Variants in ANKHD1 observed in about 807,000 individuals in gnomAD.
The protein encoded by ANKHD1 is ankyrin repeat and KH domain-containing protein 1.
ANKHD1 carries 31 observed loss-of-function variants against 230.5 expected under a neutral mutation model. The observed-to-expected ratio is 0.13, with a 90% confidence interval of 0.10 to 0.18. The LOEUF (loss-of-function observed/expected upper bound fraction) is 0.18. ANKHD1 is among the 10% of genes least tolerant of loss of function. The probability of loss-of-function intolerance (pLI) is 1.00; values close to 1 mark genes in which losing one functional copy is unlikely to be tolerated. For missense variants in ANKHD1, 2,256 were observed against 3,071.3 expected (o/e 0.73, Z 6.27); for synonymous variants, 1,074 against 1,117.6 (o/e 0.96, Z 0.78).
At chr5:140,500,871 G>T (rs1403290059) in intron 15 of ANKHD1, among the ~76,000 whole-genome samples, 1 of 151,694 alleles carries the variant, frequency 6.6e-6, no homozygotes, top group African/African-American at 2.4e-5. Context: ...ATTAAGATTT[G>T]ATGTACATGT....
At chr5:140,408,894 A>G (rs1457675999) in intron 1 of ANKHD1, among the ~76,000 whole-genome samples, 1 of 152,170 alleles carries the variant, frequency 6.6e-6, no homozygotes, top group Non-Finnish European at 1.5e-5. Flanking sequence ...ATACTTGGCT[A>G]GTATGATCTA....
chr5:140,440,892 C>G, intron 4 of ANKHD1, 103 bp from the exon 5 acceptor site: 1 of 1,309,678 alleles, frequency 7.6e-7, no homozygotes. Context: ...TTTTTTCCCA[C>G]CCCTATTCTA....
Position 140,485,303 on chromosome 5 carries a change from T to G in ANKHD1, c.1998+55T>G. The G allele has an allele frequency of 6.4e-7, 1 of 1,562,220 alleles. No individual in the cohort carries two copies. Among genetic ancestry groups the G allele is most frequent in the South Asian group, 1.2e-5 (1 of 86,278 alleles). On this transcript the variant is annotated intron_variant, in intron 12 of 33. Transcript: ENST00000360839. This position sits in a 1 kb window ranked among gnomAD's most constrained non-coding sequence, Gnocchi z 4.8. Reference sequence around the variant, plus strand: ...TGTGTGCGGTGGCTCATGTCTATGATCCCAGCACTTTAGAAAGCTGAGGCG... The same window carrying G: ...TGTGTGCGGTGGCTCATGTCTATGAGCCCAGCACTTTAGAAAGCTGAGGCG...
At chr5:140,427,550 T>C (rs1772591418) in intron 1 of ANKHD1, among the ~76,000 whole-genome samples, 1 of 130,514 alleles carries the variant, frequency 7.7e-6, no homozygotes, top group African/African-American at 2.9e-5. Context: ...GGCGGGGGGC[T>C]GACCCCCCCA....
At chr5:140,415,247 G>A (rs1771268532) in intron 1 of ANKHD1, among the ~76,000 whole-genome samples, 1 of 151,758 alleles carries the variant, frequency 6.6e-6, no homozygotes, top group South Asian at 2.1e-4. Context: ...GCCGGGCATG[G>A]TGGTGCCTGC....
At chr5:140,443,885 T>G (rs574236078) in intron 5 of ANKHD1, among the ~76,000 whole-genome samples, 7 of 152,126 alleles carry the variant, frequency 4.6e-5, no homozygotes, top group Non-Finnish European at 1.0e-4. Context: ...TGATCTAAAG[T>G]AGAGATAGTT....
At chr5:140,457,010 A>G (rs943736535) in intron 7 of ANKHD1, among the ~76,000 whole-genome samples, 3 of 152,214 alleles carry the variant, frequency 2.0e-5, no homozygotes, top group African/African-American at 7.2e-5. Context: ...CAAATTTACA[A>G]GAAAAAAACA....
chr5:140,447,547 T>TACTATTTC (rs1774387408), intron 6 of ANKHD1, among the ~76,000 whole-genome samples: 1 of 152,202 alleles, frequency 6.6e-6, no homozygotes, highest in East Asian at 1.9e-4. Flanking sequence ...GATGATTATA[T>TACTATTTC]ACTATTTCAC....
intron 14 of ANKHD1, among the ~76,000 whole-genome samples, chr5:140,490,356 T>C (rs952708754): frequency 6.6e-6 from 1 of 152,224 alleles, no homozygotes; most frequent in African/African-American, 2.4e-5. Context: ...GTGTTTGATA[T>C]ATGTTCTACT....
intron 1 of ANKHD1, among the ~76,000 whole-genome samples, chr5:140,428,346 A>G (rs538128212): frequency 0.016 from 2,487 of 152,324 alleles, 77 homozygotes; most frequent in African/African-American, 0.056. Flanking sequence ...CCTGGGCACC[A>G]TTGAGCACTG....
chr5:140,419,226 T>A (rs1353662136), intron 1 of ANKHD1, among the ~76,000 whole-genome samples: 1 of 152,066 alleles, frequency 6.6e-6, no homozygotes, highest in East Asian at 1.9e-4. Context: ...TGATTAATGA[T>A]GTTGAGCATC....
In ANKHD1 at chr5:140,440,136, C is replaced by G; in HGVS notation, c.635C>G (p.Ala212Gly). ...GQVDTRSLAE[A>G]CSDGDVNAVR... is the part of the protein sequence containing the mutation. ...GTTTCCAGTCGCAGTCTAGCAGAAG[C>G]TTGTTCAGATGGGGATGTTAATGCT... is the stretch of plus-strand genomic sequence containing the variant. The change falls in exon 4 of 34, where the codon GCT (alanine) becomes GGT (glycine). Residue 212 changes from alanine to glycine, a missense_variant. By Grantham distance (60) the Ala-to-Gly change is moderately conservative. Around this residue, in one of 13 missense-constraint regions of ANKHD1, gnomAD observed 206 missense variants for 304.5 expected, o/e 0.68. Coordinates refer to ENST00000360839, the MANE Select transcript of ANKHD1 (RefSeq NM_017747.3). The G allele has an allele frequency of 6.2e-7, 1 of 1,608,664 alleles. No homozygotes were observed. The highest frequency in any genetic ancestry group is 8.5e-7 in the Non-Finnish European group (1 of 1,177,374).
intron 6 of ANKHD1, among the ~76,000 whole-genome samples, chr5:140,448,979 A>G (rs192205030): frequency 9.8e-4 from 150 of 152,332 alleles, no homozygotes; most frequent in Non-Finnish European, 8.2e-4. Flanking sequence ...ACTTAACTTG[A>G]ATTATGTGCC....
chr5:140,413,237 T>C (rs76720248), intron 1 of ANKHD1, among the ~76,000 whole-genome samples: 1 of 152,218 alleles, frequency 6.6e-6, no homozygotes, highest in Non-Finnish European at 1.5e-5. Context: ...TTTTAGATTT[T>C]GGTAAAATAT....
Position 140,485,427 on chromosome 5 carries a change from C to CAA in ANKHD1, c.1999-162_1999-161insAA, listed in dbSNP as rs1554090723. ...ACACACACACACACACACACACACA[C>CAA]GTATGTATGTGTATATATATATAAA... On this transcript the variant is annotated intron_variant, in intron 12 of 33. Coordinates refer to ENST00000360839, the MANE Select transcript of ANKHD1 (RefSeq NM_017747.3). The surrounding 1 kb of genome is among the most constrained non-coding windows in gnomAD (Gnocchi z 4.8). 8.9e-5 allele frequency among the ~76,000 whole-genome samples: 13 copies of CAA among 146,550 alleles called. No individual in the cohort carries two copies. Among genetic ancestry groups the CAA allele is most frequent in the Admixed American group, 8.3e-4 (12 of 14,464 alleles).
intron 10 of ANKHD1, chr5:140,472,287 A>G (rs1436983890): frequency 6.2e-7 from 1 of 1,613,726 alleles, no homozygotes; most frequent in South Asian, 1.1e-5. Context: ...AGATCCGGCC[A>G]AGCATCAGGT....
chr5:140,445,820 T>A lies in ANKHD1; in HGVS notation c.992T>A (p.Ile331Lys). 1 of 1,613,750 alleles carries A rather than the reference T, an allele frequency of 6.2e-7. No individual in the cohort carries two copies. Among genetic ancestry groups the A allele is most frequent in the South Asian group, 1.1e-5 (1 of 91,016 alleles). Residue 331 changes from isoleucine to lysine, a missense_variant, in exon 6 of 34, where the codon ATA becomes AAA. Ile to Lys is a moderately radical substitution (Grantham distance 102, BLOSUM62 -3). Coordinates refer to ENST00000360839, the MANE Select transcript of ANKHD1 (RefSeq NM_017747.3). Reference protein sequence around the residue: ...VKVLLNEGANIEDHNENGHTP... With the variant: ...VKVLLNEGANKEDHNENGHTP... ...GTGCTCCTTAATGAAGGTGCAAATA[T>A]AGAAGATCATAATGAAAATGGACAT...
At chr5:140,488,874 A>G (rs1257102710) in intron 14 of ANKHD1, among the ~76,000 whole-genome samples, 1 of 151,760 alleles carries the variant, frequency 6.6e-6, no homozygotes, top group Non-Finnish European at 1.5e-5. Context: ...CACTCCAGCC[A>G]GGGTGATGGA....
At chr5:140,438,842 A>G (rs895427351) in intron 3 of ANKHD1, among the ~76,000 whole-genome samples, 5 of 152,338 alleles carry the variant, frequency 3.3e-5, no homozygotes, top group African/African-American at 7.2e-5. Context: ...TGTGGAATGT[A>G]TTACACTAGA....
Sources: allele counts gnomAD v4.1 joint callset (sites outside exome capture counted in the v4.1 genomes callset), GRCh38; gene constraint gnomAD v4.1.1; regional missense constraint gnomAD v4.1.1; non-coding constraint Gnocchi (gnomAD v3.1); transcripts MANE v1.5; gene names NCBI Gene and HGNC (gene_info 2026-07-23, HGNC 2026-07-21).